Variants in CNTN5 observed in about 807,000 individuals in gnomAD.
CNTN5 encodes contactin-5.
CNTN5 carries 77 observed loss-of-function variants against 129.1 expected under a neutral mutation model. The ratio of observed to expected loss-of-function variants is 0.60; its 90% CI spans 0.50 to 0.72. CNTN5 has a LOEUF of 0.72. Among genes scored for constraint, CNTN5 ranks in the 30% least tolerant of loss-of-function variants. CNTN5 has a pLI of 0.00. For synonymous variants in CNTN5, 509 were observed against 465.6 expected, an observed-to-expected ratio of 1.09 and a Z score of -1.20; for missense variants, 1,478 against 1,328.8, an observed-to-expected ratio of 1.11 and a Z score of -1.75.
At chr11:99,752,598 C>G (rs1001620004) in intron 3 of CNTN5, among the ~76,000 whole-genome samples, 2 of 152,094 alleles carry the variant, frequency 1.3e-5, no homozygotes, top group African/African-American at 4.8e-5. Flanking sequence ...TAACTATATT[C>G]ACTGTTTTCC....
rs776232735 is a variant in CNTN5 at position 99,962,129 on chromosome 11, C to T, written c.877+5120C>T. Among the ~76,000 whole-genome samples, 9 of 151,794 alleles carry T rather than the reference C, an allele frequency of 5.9e-5. No homozygotes were observed. In the South Asian group the frequency reaches 6.2e-4, roughly 10 times the overall value. ...AAACATAAAATTACTCTAAGGAAGA[C>T]GTAGATTAGAATGGAATTATTTTTA... On this transcript the variant is annotated intron_variant, in intron 8 of 24. Transcript: ENST00000524871.
At chr11:99,445,963 A>G (rs1024438763) in intron 2 of CNTN5, among the ~76,000 whole-genome samples, 1 of 151,896 alleles carries the variant, frequency 6.6e-6, no homozygotes, top group African/African-American at 2.4e-5. Flanking sequence ...AGGCTCCTGT[A>G]ATCCCAGCTA....
chr11:99,743,665 T>G (rs1565482705), intron 3 of CNTN5, among the ~76,000 whole-genome samples: 1 of 152,162 alleles, frequency 6.6e-6, no homozygotes, highest in East Asian at 1.9e-4. Context: ...CCAGTCATAC[T>G]TTACAGGGAG....
intron 3 of CNTN5, among the ~76,000 whole-genome samples, chr11:99,634,654 T>C (rs1406441467): frequency 6.6e-6 from 1 of 152,188 alleles, no homozygotes; most frequent in Non-Finnish European, 1.5e-5. Flanking sequence ...ACTCCTCAGA[T>C]AAGCATCTGA....
chr11:99,668,235 C>T (rs1952879734), intron 3 of CNTN5, among the ~76,000 whole-genome samples: 1 of 152,102 alleles, frequency 6.6e-6, no homozygotes, highest in Non-Finnish European at 1.5e-5. Flanking sequence ...AGTGTCCACA[C>T]CCCAGAGTAC....
rs541602017 is a variant in CNTN5, at chr11:99,809,054, T to C, written c.56-10490T>C. Among the ~76,000 whole-genome samples the C allele has an allele frequency of 2.9e-4, 44 of 152,304 alleles. No individual in the cohort carries two copies. In the South Asian group the frequency reaches 9.1e-3, roughly 32 times the overall value. ...AGGAAGACACAACTTCCTTTGTCCC[T>C]ACCATCTTGTTTACAGACACACATC... On this transcript the variant is annotated intron_variant, in intron 3 of 24. Coordinates refer to ENST00000524871, the MANE Select transcript of CNTN5 (RefSeq NM_014361.4).
intron 2 of CNTN5, among the ~76,000 whole-genome samples, chr11:99,442,439 G>A (rs948130670): frequency 6.6e-6 from 1 of 152,110 alleles, no homozygotes; most frequent in Non-Finnish European, 1.5e-5. Context: ...CAAAGTGCTG[G>A]GATTACAGGT....
At chr11:100,165,369 A>G (rs1033218621) in intron 13 of CNTN5, among the ~76,000 whole-genome samples, 27 of 151,772 alleles carry the variant, frequency 1.8e-4, no homozygotes, top group Non-Finnish European at 3.2e-4. Context: ...CAGGTGCTCA[A>G]TAAGTATTTA....
chr11:100,106,579 T>C (rs562059961), intron 13 of CNTN5, among the ~76,000 whole-genome samples: 1 of 152,266 alleles, frequency 6.6e-6, no homozygotes, highest in African/African-American at 2.4e-5. Context: ...CTTTGTAAAG[T>C]GAACTTACAG....
At position 100,351,657 on chromosome 11, in the gene CNTN5, TAA is replaced by T. The variant is rs60798966; in HGVS notation, c.3199+804_3199+805del. Among the ~76,000 whole-genome samples, 310 of 103,586 alleles carry T rather than the reference TAA, an allele frequency of 3.0e-3. 2 individuals are homozygous for T. The highest frequency in any genetic ancestry group is 8.8e-3 in the African/African-American group (258 of 29,470). The allele number at this position is 103,586 out of a possible 152,430, so 68.0% of individuals were successfully genotyped here. On this transcript the variant is annotated intron_variant, in intron 24 of 24. Transcript: ENST00000524871. ...GAAAGCAACCATTTCGTAGAGATAG[TAA>T]AAAAAAAAAAAAAAAAGCAAAAATT...
intron 1 of CNTN5, among the ~76,000 whole-genome samples, chr11:99,215,827 G>A (rs61893088): frequency 6.6e-6 from 1 of 151,972 alleles, no homozygotes; most frequent in African/African-American, 2.4e-5. Flanking sequence ...TCAAAGGCAG[G>A]TTCTGAAAAT....
chr11:99,671,128 T>C (rs370285667), intron 3 of CNTN5, among the ~76,000 whole-genome samples: 3 of 144,162 alleles, frequency 2.1e-5, no homozygotes, highest in Non-Finnish European at 4.5e-5. Flanking sequence ...CTCTCTCTCT[T>C]GGCTTCCCAT....
At chr11:99,880,343 A>G (rs1948739911) in intron 6 of CNTN5, among the ~76,000 whole-genome samples, 1 of 152,192 alleles carries the variant, frequency 6.6e-6, no homozygotes, top group Admixed American at 6.5e-5. Context: ...TAGAATAAGA[A>G]ATAGTACTCA....
intron 2 of CNTN5, among the ~76,000 whole-genome samples, chr11:99,435,049 A>T (rs1943547432): frequency 6.6e-6 from 1 of 152,204 alleles, no homozygotes; most frequent in Non-Finnish European, 1.5e-5. Context: ...AAGTCTAGAT[A>T]AATGTATTGA....
At chr11:99,682,360 G>A (rs1953594201) in intron 3 of CNTN5, among the ~76,000 whole-genome samples, 1 of 151,812 alleles carries the variant, frequency 6.6e-6, no homozygotes, top group Admixed American at 6.6e-5. Flanking sequence ...TCATAGGTGA[G>A]TCAAAGAATA....
intron 2 of CNTN5, among the ~76,000 whole-genome samples, chr11:99,350,252 G>A (rs765409878): frequency 1.3e-4 from 19 of 151,774 alleles, no homozygotes; most frequent in African/African-American, 3.6e-4. Context: ...AATTAACAAC[G>A]GAATGCCTAA....
chr11:99,145,314 C>T (rs1034855572), intron 1 of CNTN5, among the ~76,000 whole-genome samples: 1 of 152,072 alleles, frequency 6.6e-6, no homozygotes, highest in Non-Finnish European at 1.5e-5. Context: ...AAATGATTCA[C>T]CCACCTCGGC....
intron 1 of CNTN5, among the ~76,000 whole-genome samples, chr11:99,291,547 C>T (rs147263260): frequency 1.3e-5 from 2 of 151,682 alleles, no homozygotes; most frequent in Non-Finnish European, 3.0e-5. Context: ...CATGAATCTA[C>T]AAAAAACATG....
chr11:99,855,491 A>C (rs1394273287), intron 6 of CNTN5, among the ~76,000 whole-genome samples: 1 of 152,174 alleles, frequency 6.6e-6, no homozygotes, highest in Non-Finnish European at 1.5e-5. Context: ...TATCATAATG[A>C]ATATTGATTT....
Sources: allele counts gnomAD v4.1 joint callset (sites outside exome capture counted in the v4.1 genomes callset), GRCh38; gene constraint gnomAD v4.1.1; transcripts MANE v1.5; gene names NCBI Gene and HGNC (gene_info 2026-07-23, HGNC 2026-07-21).